EXOC4: variants seen among roughly 807,000 people sequenced by gnomAD.
The protein encoded by EXOC4 is exocyst complex component 4, also known as SEC8-like 1.
In EXOC4, 71 loss-of-function variants were observed where a neutral mutation model predicts 107.2. The ratio of observed to expected loss-of-function variants is 0.66; its 90% CI spans 0.55 to 0.81. The LOEUF (loss-of-function observed/expected upper bound fraction) is 0.81, where lower values mean the gene tolerates loss of function less well. Among genes scored for constraint, EXOC4 ranks in the 30% least tolerant of loss-of-function variants. EXOC4 has a pLI of 0.00. For missense variants in EXOC4, 1,108 were observed against 1,189.6 expected, an observed-to-expected ratio of 0.93 and a Z score of 1.01; for synonymous variants, 456 against 441.2, an observed-to-expected ratio of 1.03 and a Z score of -0.42.
chr7:133,820,491 G>T (rs1028750091), intron 11 of EXOC4, among the ~76,000 whole-genome samples: 3 of 151,892 alleles, frequency 2.0e-5, no homozygotes, highest in African/African-American at 4.8e-5. Context: ...GCTAATTGTA[G>T]GTGGCTAATC....
intron 12 of EXOC4, among the ~76,000 whole-genome samples, chr7:133,909,255 G>A (rs1799634547): frequency 6.6e-6 from 1 of 152,164 alleles, no homozygotes; most frequent in Admixed American, 6.5e-5. Context: ...AATTGACTAG[G>A]TAAGGTCCTT....
At chr7:133,269,856 A>C (rs1279157779) in intron 1 of EXOC4, among the ~76,000 whole-genome samples, 1 of 152,202 alleles carries the variant, frequency 6.6e-6, no homozygotes, top group East Asian at 1.9e-4. Context: ...CATATGGCCC[A>C]GGTTTGAGGT....
intron 10 of EXOC4, among the ~76,000 whole-genome samples, chr7:133,738,175 G>A (rs1256678033): frequency 6.6e-6 from 1 of 151,982 alleles, no homozygotes; most frequent in Non-Finnish European, 1.5e-5. Flanking sequence ...GCCTCCCAAA[G>A]TGCTGGGATT....
At chr7:133,393,433 C>G (rs1796897673) in intron 7 of EXOC4, among the ~76,000 whole-genome samples, 1 of 152,104 alleles carries the variant, frequency 6.6e-6, no homozygotes, top group South Asian at 2.1e-4. Flanking sequence ...ATGTTTTGAA[C>G]AAATGAGTAG....
chr7:134,054,092 C>T (rs961071333), intron 17 of EXOC4, among the ~76,000 whole-genome samples: 1 of 152,096 alleles, frequency 6.6e-6, no homozygotes, highest in Non-Finnish European at 1.5e-5. Flanking sequence ...ACTACAGGTG[C>T]GCACTACCAC....
At chr7:133,734,369 T>G (rs1205331622) in intron 10 of EXOC4, among the ~76,000 whole-genome samples, 1 of 151,960 alleles carries the variant, frequency 6.6e-6, no homozygotes, top group East Asian at 1.9e-4. Flanking sequence ...CCATTTTACT[T>G]AAACAGGACC....
chr7:133,651,307 A>C (rs1378069758), intron 10 of EXOC4, among the ~76,000 whole-genome samples: 1 of 152,178 alleles, frequency 6.6e-6, no homozygotes, highest in East Asian at 1.9e-4. Context: ...AACTTGAATA[A>C]ATCTAAAGGA....
At chr7:133,253,339 G>A (rs41274182) in intron 1 of EXOC4, 152 bp downstream of exon 1, 15,976 of 1,405,174 alleles carry the variant, frequency 0.011, 128 homozygotes, top group Middle Eastern at 0.036. Context: ...CCTCCCCAGG[G>A]CCCCAGCAAT....
intron 10 of EXOC4, among the ~76,000 whole-genome samples, chr7:133,680,854 C>T (rs944418587): frequency 3.3e-5 from 5 of 152,224 alleles, no homozygotes; most frequent in Admixed American, 3.3e-4. Flanking sequence ...CTTCTTCCCT[C>T]TCCTTTGGAA....
At chr7:133,418,919 T>C (rs564920258) in intron 7 of EXOC4, among the ~76,000 whole-genome samples, 1 of 152,136 alleles carries the variant, frequency 6.6e-6, no homozygotes. Flanking sequence ...AAAAAGTCAA[T>C]GGAGATTTAT....
intron 10 of EXOC4, among the ~76,000 whole-genome samples, chr7:133,732,145 C>T (rs534707259): frequency 6.6e-6 from 1 of 152,272 alleles, no homozygotes; most frequent in South Asian, 2.1e-4. Context: ...TTTGCAGGGA[C>T]ATGGATAGAG....
intron 13 of EXOC4, among the ~76,000 whole-genome samples, chr7:133,917,974 G>C (rs1052553848): frequency 5.3e-5 from 8 of 151,642 alleles, no homozygotes; most frequent in Non-Finnish European, 1.2e-4. Context: ...TGCTAAATTG[G>C]ATTAAAATAT....
intron 11 of EXOC4, 46 bp from the exon 12 acceptor site, chr7:133,895,553 A>G (rs1159106121): frequency 2.5e-6 from 4 of 1,594,394 alleles, no homozygotes; most frequent in South Asian, 1.1e-5. Flanking sequence ...TGTCCAACAC[A>G]TTGACTACAG....
intron 9 of EXOC4, among the ~76,000 whole-genome samples, chr7:133,517,892 G>A (rs1032817521): frequency 6.6e-6 from 1 of 152,170 alleles, no homozygotes; most frequent in Middle Eastern, 3.4e-3. Flanking sequence ...CTTTTACTAC[G>A]TGATGAATCA....
At chr7:133,710,459 G>C (rs1365388566) in intron 10 of EXOC4, among the ~76,000 whole-genome samples, 1 of 151,768 alleles carries the variant, frequency 6.6e-6, no homozygotes, top group Non-Finnish European at 1.5e-5. Flanking sequence ...AGGAGATCGA[G>C]ACCATCCTGG....
At chr7:133,354,373 T>C (rs1795978555) in intron 5 of EXOC4, among the ~76,000 whole-genome samples, 1 of 152,202 alleles carries the variant, frequency 6.6e-6, no homozygotes, top group Admixed American at 6.5e-5. Flanking sequence ...AGCCTGGGTG[T>C]TAATTTAAGA....
At chr7:133,310,741 G>T (rs1454593850) in intron 4 of EXOC4, among the ~76,000 whole-genome samples, 2 of 152,176 alleles carry the variant, frequency 1.3e-5, no homozygotes, top group Non-Finnish European at 2.9e-5. Context: ...ATCTCTAAAT[G>T]TCCCTGCATC....
At chr7:133,462,218 G>A (rs764182242) in intron 7 of EXOC4, among the ~76,000 whole-genome samples, 5 of 152,080 alleles carry the variant, frequency 3.3e-5, no homozygotes, top group Non-Finnish European at 2.9e-5. Flanking sequence ...TAAGTAGGTG[G>A]AAACCAGAAA....
intron 6 of EXOC4, among the ~76,000 whole-genome samples, chr7:133,370,246 G>T (rs975423238): frequency 1.3e-5 from 2 of 149,906 alleles, no homozygotes; most frequent in Non-Finnish European, 2.9e-5. Flanking sequence ...ATAGCCTCAG[G>T]TCCTTACGAA....
Sources: gnomAD v4.1 joint callset for allele counts (sites outside exome capture counted in the v4.1 genomes callset) on GRCh38, gnomAD v4.1.1 for gene constraint, MANE v1.5 for transcripts, NCBI Gene and HGNC (gene_info 2026-07-23, HGNC 2026-07-21) for gene names.